Variants in TP63 observed in about 807,000 individuals in gnomAD.
The protein encoded by TP63 is tumor protein p63, also known as tumor protein 63.
In TP63, 17 loss-of-function variants were observed where a neutral mutation model predicts 82.8. That is an observed-to-expected ratio of 0.21 (90% CI 0.14 to 0.31). The LOEUF (loss-of-function observed/expected upper bound fraction) is 0.31. Ranked by LOEUF, TP63 falls within the 10% of genes least tolerant of loss-of-function variation. The pLI, the probability that TP63 is intolerant of heterozygous loss-of-function variation, is 1.00. For missense variants in TP63, 648 were observed against 895.3 expected, an observed-to-expected ratio of 0.72 and a Z score of 3.52; for synonymous variants, 330 against 321.7, an observed-to-expected ratio of 1.03 and a Z score of -0.28.
chr3:189,623,647 A>G, the TP63 span, among the ~76,000 whole-genome samples: 1 of 152,212 alleles, frequency 6.6e-6, no homozygotes, highest in African/African-American at 2.4e-5. Flanking sequence ...CTAAAAGAAT[A>G]TTCATGTTGA....
intron 1 of TP63, among the ~76,000 whole-genome samples, chr3:189,734,419 C>G (rs1392774606): frequency 6.6e-6 from 1 of 152,110 alleles, no homozygotes; most frequent in Non-Finnish European, 1.5e-5. Flanking sequence ...CAAAGCTAGT[C>G]TTTACAATTC....
chr3:189,735,417 T>G (rs1328190250), intron 1 of TP63, among the ~76,000 whole-genome samples: 6 of 152,320 alleles, frequency 3.9e-5, no homozygotes, highest in South Asian at 4.1e-4. Context: ...CATGCTAAAA[T>G]GCAGTTTATC....
At chr3:189,864,532 T>A in intron 5 of TP63, 114 bp downstream of exon 5, 6 of 607,294 alleles carry the variant, frequency 9.9e-6, no homozygotes, top group Non-Finnish European at 1.5e-5. Flanking sequence ...CGATGGCAGA[T>A]CAGTCTGCCT....
At chr3:189,798,698 A>G (rs181243113) in intron 3 of TP63, among the ~76,000 whole-genome samples, 131 of 152,216 alleles carry the variant, frequency 8.6e-4, no homozygotes, top group African/African-American at 2.3e-3. Context: ...CTATAGTGTT[A>G]TCACTAAAGG....
At chr3:189,872,770 C>T (rs947648852) in intron 9 of TP63, 89 bp from the exon 10 acceptor site, 78 of 1,563,620 alleles carry the variant, frequency 5.0e-5, no homozygotes, top group Non-Finnish European at 6.3e-5. Flanking sequence ...ATTGCAATTA[C>T]GGAATCCTCA....
the TP63 span, among the ~76,000 whole-genome samples, chr3:189,606,874 G>A: frequency 6.6e-6 from 1 of 152,058 alleles, no homozygotes; most frequent in African/African-American, 2.4e-5. Flanking sequence ...AGGGCTGGGT[G>A]TGGTGATTCA....
In TP63 at chr3:189,855,714, G is replaced by T. The variant is rs547461780; in HGVS notation, c.580-8518G>T. Among the ~76,000 whole-genome samples the T allele has an allele frequency of 4.6e-5, 7 of 151,516 alleles. No homozygotes were observed. In the South Asian group the frequency reaches 1.5e-3, roughly 31 times the overall value. ...TGTGTGTATATATGTGTGTGTGTGTGTATGTATGTATGTGTGTGTGTATGC... is the reference window on the plus strand; with the variant it reads ...TGTGTGTATATATGTGTGTGTGTGTTTATGTATGTATGTGTGTGTGTATGC... On this transcript the variant is annotated intron_variant, in intron 4 of 13. Coordinates refer to ENST00000264731, the MANE Select transcript of TP63 (RefSeq NM_003722.5).
At chr3:189,759,193 A>G (rs1577361346) in intron 3 of TP63, among the ~76,000 whole-genome samples, 1 of 152,220 alleles carries the variant, frequency 6.6e-6, no homozygotes, top group African/African-American at 2.4e-5. Flanking sequence ...ATCATCTAAG[A>G]ACTTGTTAAG....
chr3:189,767,816 C>G (rs1723060557), intron 3 of TP63, among the ~76,000 whole-genome samples: 1 of 152,106 alleles, frequency 6.6e-6, no homozygotes, highest in Non-Finnish European at 1.5e-5. Flanking sequence ...TGTACAGAGA[C>G]AAAAGAGCTA....
intron 1 of TP63, among the ~76,000 whole-genome samples, chr3:189,633,651 G>A (rs561079075): frequency 6.6e-6 from 1 of 152,092 alleles, no homozygotes; most frequent in African/African-American, 2.4e-5. Flanking sequence ...TGATACTTTT[G>A]GGGAAGGCAG....
At chr3:189,857,267 C>T (rs1716410161) in intron 4 of TP63, among the ~76,000 whole-genome samples, 1 of 152,026 alleles carries the variant, frequency 6.6e-6, no homozygotes, top group African/African-American at 2.4e-5. Context: ...GGCAGCTCAA[C>T]AAGGGAAAAT....
upstream of TP63, among the ~76,000 whole-genome samples, chr3:189,629,207 A>G (rs948781226): frequency 2.7e-4 from 41 of 151,952 alleles, no homozygotes; most frequent in African/African-American, 8.5e-4. Context: ...GCAAGACCCC[A>G]TATCTAAAAA....
chr3:189,802,630 G>A (rs987459333), intron 3 of TP63, among the ~76,000 whole-genome samples: 1 of 152,190 alleles, frequency 6.6e-6, no homozygotes, highest in African/African-American at 2.4e-5. Flanking sequence ...CAGCACACTA[G>A]TGGCAGTGTT....
intron 9 of TP63, 53 bp from the exon 10 acceptor site, chr3:189,872,806 A>T (rs1349644973): frequency 1.9e-6 from 3 of 1,612,898 alleles, no homozygotes; most frequent in Non-Finnish European, 2.5e-6. Flanking sequence ...CCACACTTCT[A>T]ACAGTTCTAC....
At chr3:189,617,418 A>C in the TP63 span, among the ~76,000 whole-genome samples, 3 of 152,224 alleles carry the variant, frequency 2.0e-5, no homozygotes, top group Non-Finnish European at 4.4e-5. Context: ...AAATATATTC[A>C]TCCAAATCTA....
At chr3:189,722,603 CGCACAGT>C (rs61157542) in intron 1 of TP63, among the ~76,000 whole-genome samples, 81,767 of 151,626 alleles carry the variant, frequency 0.54, 22,200 homozygotes, top group Middle Eastern at 0.66. Context: ...TAGGAGAGTC[CGCACAGT>C]GCACAGTGTG....
chr3:189,861,538 T>C (rs943899773), intron 4 of TP63, among the ~76,000 whole-genome samples: 1 of 152,184 alleles, frequency 6.6e-6, no homozygotes, highest in Non-Finnish European at 1.5e-5. Context: ...TATCCTTGAA[T>C]TCCCAGAAGC....
In TP63 at chr3:189,894,831, T is replaced by C; in HGVS notation, c.*329T>C. 3.2e-6 allele frequency: 1 copy of C among 308,172 alleles called. No homozygotes were observed. The highest frequency in any genetic ancestry group is 6.1e-6 in the Non-Finnish European group (1 of 163,274). 19.1% of individuals were successfully genotyped at this position (308,172 alleles called of 1,614,324 possible). On this transcript the variant is annotated 3_prime_UTR_variant, in exon 14 of 14. Transcript: ENST00000264731. ...CATGTTCACCCTTATAGTCTAAGAC[T>C]ATATATATAAATGTATAAATATACA...
chr3:189,696,132 T>C (rs1279286544), intron 1 of TP63, among the ~76,000 whole-genome samples: 2 of 152,164 alleles, frequency 1.3e-5, no homozygotes, highest in Non-Finnish European at 2.9e-5. Context: ...CATAATGTCA[T>C]GTATCCACCA....
Sources: gnomAD v4.1 joint callset for allele counts (sites outside exome capture counted in the v4.1 genomes callset) on GRCh38, gnomAD v4.1.1 for gene constraint, MANE v1.5 for transcripts, NCBI Gene and HGNC (gene_info 2026-07-23, HGNC 2026-07-21) for gene names.